Variants in SLC24A3 observed in about 807,000 individuals in gnomAD.
SLC24A3 encodes the protein solute carrier family 24 member 3.
In SLC24A3, 28 loss-of-function variants were observed where a neutral mutation model predicts 75.8. The observed-to-expected ratio is 0.37, with a 90% CI of 0.27 to 0.51. The LOEUF is 0.51. SLC24A3 is among the 20% of genes least tolerant of loss of function. The pLI, the probability that SLC24A3 is intolerant of heterozygous loss-of-function variation, is 0.94. For synonymous variants in SLC24A3, 372 were observed against 334.1 expected (o/e 1.11, Z -1.24); for missense variants, 663 against 847.8 (o/e 0.78, Z 2.71).
At chr20:19,583,987 G>A (rs977179786) in intron 4 of SLC24A3, among the ~76,000 whole-genome samples, 1 of 152,186 alleles carries the variant, frequency 6.6e-6, no homozygotes, top group Non-Finnish European at 1.5e-5. Flanking sequence ...GGGCCACACC[G>A]CCCCTCTCTG....
At chr20:19,429,539 G>A (rs573416727) in intron 2 of SLC24A3, among the ~76,000 whole-genome samples, 1 of 152,246 alleles carries the variant, frequency 6.6e-6, no homozygotes, top group South Asian at 2.1e-4. Flanking sequence ...CTTGAGTTAA[G>A]CTTAGCCCGG....
chr20:19,463,459 C>T (rs554499507), intron 2 of SLC24A3, among the ~76,000 whole-genome samples: 8 of 152,310 alleles, frequency 5.3e-5, no homozygotes, highest in South Asian at 2.1e-4. Flanking sequence ...TTTTTCTATT[C>T]GCAAGTATCA....
At position 19,552,470 on chromosome 20, in the gene SLC24A3, A is replaced by G. The variant is rs375735323; in HGVS notation, c.349-27530A>G. On this transcript the variant is annotated intron_variant, in intron 3 of 16. Coordinates refer to ENST00000328041, the MANE Select transcript of SLC24A3 (RefSeq NM_020689.4). ...AGAATATAGCTGCTCCTGTGTGGCC[A>G]TCTACATAGAAGTTCAGAAAAGTAA... is the stretch of plus-strand genomic sequence containing the variant. 3.3e-5 allele frequency among the ~76,000 whole-genome samples: 5 copies of G among 152,202 alleles called. No homozygotes were observed. The East Asian group carries it at 9.6e-4, about 29-fold the overall frequency.
intron 1 of SLC24A3, among the ~76,000 whole-genome samples, chr20:19,256,814 G>A (rs1292214501): frequency 6.6e-6 from 1 of 150,410 alleles, no homozygotes; most frequent in Non-Finnish European, 1.5e-5. Flanking sequence ...CTTAAGCTAT[G>A]TATTGATAAA....
At chr20:19,556,374 A>T (rs1308415249) in intron 3 of SLC24A3, among the ~76,000 whole-genome samples, 1 of 152,132 alleles carries the variant, frequency 6.6e-6, no homozygotes, top group Non-Finnish European at 1.5e-5. Context: ...GTTAATAATC[A>T]GTTTGTCTTA....
chr20:19,645,853 A>G (rs2032130801), intron 6 of SLC24A3, among the ~76,000 whole-genome samples: 1 of 152,202 alleles, frequency 6.6e-6, no homozygotes, highest in Non-Finnish European at 1.5e-5. Context: ...CAGGAGTTCC[A>G]GATCAGCCTG....
chr20:19,322,010 G>A (rs1984718921), intron 2 of SLC24A3, among the ~76,000 whole-genome samples: 1 of 152,144 alleles, frequency 6.6e-6, no homozygotes, highest in African/African-American at 2.4e-5. Context: ...TTAGATGCAG[G>A]ATGAACATCT....
At chr20:19,719,408 G>T (rs2030349782) in intron 16 of SLC24A3, among the ~76,000 whole-genome samples, 1 of 152,136 alleles carries the variant, frequency 6.6e-6, no homozygotes, top group African/African-American at 2.4e-5. Context: ...AGGAGAGGGA[G>T]TTGCTGGAAC....
At chr20:19,601,469 C>T (rs2031526009) in intron 6 of SLC24A3, among the ~76,000 whole-genome samples, 1 of 152,244 alleles carries the variant, frequency 6.6e-6, no homozygotes, top group Admixed American at 6.5e-5. Flanking sequence ...ACCTATGTAT[C>T]TGCGTCATCC....
At chr20:19,511,518 A>G (rs896407439) in intron 2 of SLC24A3, among the ~76,000 whole-genome samples, 5 of 151,966 alleles carry the variant, frequency 3.3e-5, no homozygotes, top group East Asian at 3.9e-4. Context: ...TAGTAGAGAC[A>G]GGGTTTCACC....
intron 2 of SLC24A3, among the ~76,000 whole-genome samples, chr20:19,363,939 G>T (rs1231153744): frequency 6.6e-6 from 1 of 152,082 alleles, no homozygotes; most frequent in Non-Finnish European, 1.5e-5. Flanking sequence ...AGACAGACTT[G>T]GTCAGGCAGG....
chr20:19,664,900 C>T (rs1600328679), intron 7 of SLC24A3, among the ~76,000 whole-genome samples: 1 of 152,184 alleles, frequency 6.6e-6, no homozygotes, highest in African/African-American at 2.4e-5. Flanking sequence ...ACACCAAATT[C>T]GGAGCTGGGG....
At chr20:19,645,168 A>G (rs1192016766) in intron 6 of SLC24A3, among the ~76,000 whole-genome samples, 3 of 152,274 alleles carry the variant, frequency 2.0e-5, no homozygotes, top group Admixed American at 6.5e-5. Flanking sequence ...CTATTTTTCA[A>G]TGTTTTGATG....
rs57988779 is a variant in SLC24A3, at chr20:19,572,189, G to A, written c.349-7811G>A. On this transcript the variant is annotated intron_variant, in intron 3 of 16. Coordinates refer to ENST00000328041, the MANE Select transcript of SLC24A3 (RefSeq NM_020689.4). Reference sequence around the variant, plus strand: ...CCCCCTCCCCCTCTAAAAATGTTACGTAAAAAAACTAGCAAGGCACAGTGG... The same window carrying A: ...CCCCCTCCCCCTCTAAAAATGTTACATAAAAAAACTAGCAAGGCACAGTGG... Among the ~76,000 whole-genome samples the A allele has an allele frequency of 7.2e-3, 1,097 of 152,064 alleles. 11 individuals carry two copies. The highest frequency in any genetic ancestry group is 0.025 in the African/African-American group (1,039 of 41,456).
chr20:19,587,683 G>A (rs1440700801), intron 6 of SLC24A3, among the ~76,000 whole-genome samples: 1 of 152,172 alleles, frequency 6.6e-6, no homozygotes, highest in Non-Finnish European at 1.5e-5. Context: ...AGACGGGTCT[G>A]GGTTTAAATC....
At chr20:19,316,244 T>C (rs1984583179) in intron 2 of SLC24A3, among the ~76,000 whole-genome samples, 1 of 152,208 alleles carries the variant, frequency 6.6e-6, no homozygotes, top group Non-Finnish European at 1.5e-5. Flanking sequence ...CCACCTGTAC[T>C]AAGGAAGCTC....
chr20:19,693,268 T>C lies in SLC24A3; in HGVS notation c.1334T>C (p.Leu445Pro), dbSNP rs2032767671. ...TTTTTCATTTTTCCAGCGGGTAAAC[T>C]GGAAACAGTGAAATGGGCGTTCACC... The part of the protein sequence containing the change: ...YTPFDTPSGK[L>P]ETVKWAFTWP... The change falls in exon 13 of 17, where the codon CTG becomes CCG. Residue 445 changes from leucine (L) to proline (P), a missense_variant. Coordinates refer to ENST00000328041, the MANE Select transcript of SLC24A3 (RefSeq NM_020689.4). 1 of 1,611,266 alleles carries C rather than the reference T, an allele frequency of 6.2e-7. No individual in the cohort carries two copies. Among genetic ancestry groups the C allele is most frequent in the Non-Finnish European group, 8.5e-7 (1 of 1,178,880 alleles).
At chr20:19,434,549 T>G (rs1281408045) in intron 2 of SLC24A3, among the ~76,000 whole-genome samples, 8 of 152,230 alleles carry the variant, frequency 5.3e-5, no homozygotes, top group Admixed American at 2.0e-4. Flanking sequence ...TGATTTTTTT[T>G]TCTTTTGGAG....
chr20:19,602,717 A>G (rs2031542808), intron 6 of SLC24A3, among the ~76,000 whole-genome samples: 1 of 152,200 alleles, frequency 6.6e-6, no homozygotes, highest in Admixed American at 6.5e-5. Flanking sequence ...CATCTAAAGG[A>G]GTCTCTCATC....
Sources: gnomAD v4.1 joint callset for allele counts (sites outside exome capture counted in the v4.1 genomes callset) on GRCh38, gnomAD v4.1.1 for gene constraint, MANE v1.5 for transcripts, NCBI Gene and HGNC (gene_info 2026-07-23, HGNC 2026-07-21) for gene names.